Variants in ENPP1 observed in about 807,000 individuals in gnomAD.
ENPP1 encodes the protein ectonucleotide pyrophosphatase/phosphodiesterase family member 1.
Under a neutral mutation model 122.8 loss-of-function variants are expected in ENPP1, and 73 were observed. The ratio of observed to expected loss-of-function variants is 0.59; its 90% CI spans 0.49 to 0.72. ENPP1 has a LOEUF of 0.72. Among genes scored for constraint, ENPP1 ranks in the 30% least tolerant of loss-of-function variants. The pLI, the probability that ENPP1 is intolerant of heterozygous loss-of-function variation, is 0.00. For missense variants in ENPP1, 978 were observed against 1,128.1 expected, an observed-to-expected ratio of 0.87 and a Z score of 1.91; for synonymous variants, 367 against 391.6, an observed-to-expected ratio of 0.94 and a Z score of 0.74.
chr6:131,844,812 C>T (rs902371392), intron 1 of ENPP1, among the ~76,000 whole-genome samples: 1 of 152,064 alleles, frequency 6.6e-6, no homozygotes, highest in Non-Finnish European at 1.5e-5. Context: ...AGTGACACTG[C>T]CACAAAACTT....
chr6:131,882,571 C>G, intron 21 of ENPP1, 97 bp downstream of exon 21: 2 of 337,456 alleles, frequency 5.9e-6, no homozygotes, highest in Non-Finnish European at 1.0e-5. Context: ...ATATATATTA[C>G]CTATTATATA....
Position 131,808,034 on chromosome 6 carries a change from C to T in ENPP1, c.-2C>T, listed in dbSNP as rs909954816. ...AGCGGGGCCGGAGCGGCCGGGGCCA[C>T]GATGGAGCGCGACGGCTGCGCGGGG... is the stretch of plus-strand genomic sequence containing the variant. On this transcript the variant is annotated 5_prime_UTR_variant, in exon 1 of 25. The change creates a new upstream start codon in the 5' untranslated region. Transcript: ENST00000647893. The T allele has an allele frequency of 4.7e-5, 43 of 919,604 alleles. No homozygotes were observed. Among genetic ancestry groups the T allele is most frequent in the Non-Finnish European group, 5.3e-5 (42 of 799,766 alleles). 57.0% of individuals were successfully genotyped at this position (919,604 alleles called of 1,614,324 possible). A position where few individuals can be genotyped will look rare whatever the true frequency, so the allele number is the denominator to read the frequency against.
chr6:131,856,405 G>A (rs985356812), intron 6 of ENPP1, among the ~76,000 whole-genome samples: 7 of 150,552 alleles, frequency 4.6e-5, no homozygotes, highest in African/African-American at 1.7e-4. Flanking sequence ...TGTCAGATGA[G>A]TAGGTTGCGA....
chr6:131,849,611 C>T (rs1260148525), intron 2 of ENPP1, among the ~76,000 whole-genome samples: 11 of 152,150 alleles, frequency 7.2e-5, no homozygotes, highest in Admixed American at 3.9e-4. Flanking sequence ...TTTAGGGAAC[C>T]CCATGCCTGC....
chr6:131,840,600 G>A (rs1781728172), intron 1 of ENPP1, among the ~76,000 whole-genome samples: 1 of 152,172 alleles, frequency 6.6e-6, no homozygotes, highest in Non-Finnish European at 1.5e-5. Context: ...AACTTTGTGA[G>A]GTGGGTATTA....
intron 1 of ENPP1, among the ~76,000 whole-genome samples, chr6:131,821,492 C>A (rs1367494137): frequency 6.6e-6 from 1 of 152,202 alleles, no homozygotes; most frequent in Non-Finnish European, 1.5e-5. Flanking sequence ...TACAAGTAGC[C>A]CCATTGCTCT....
chr6:131,818,669 G>C (rs1300338190), intron 1 of ENPP1, among the ~76,000 whole-genome samples: 1 of 151,704 alleles, frequency 6.6e-6, no homozygotes, highest in Non-Finnish European at 1.5e-5. Context: ...AAATGTCCTT[G>C]ATGAAGCAGA....
chr6:131,871,848 C>T (rs963505884), intron 13 of ENPP1, among the ~76,000 whole-genome samples: 2 of 152,052 alleles, frequency 1.3e-5, no homozygotes, highest in Admixed American at 1.3e-4. Context: ...CTTGTCTTTC[C>T]CTTTAACAAT....
chr6:131,862,487 A>G (rs1006624780), intron 9 of ENPP1, among the ~76,000 whole-genome samples: 1 of 152,178 alleles, frequency 6.6e-6, no homozygotes, highest in Non-Finnish European at 1.5e-5. Flanking sequence ...GAGTTTTATT[A>G]TTACTCAAAT....
At chr6:131,824,401 G>T (rs1379946009) in intron 1 of ENPP1, among the ~76,000 whole-genome samples, 1 of 152,096 alleles carries the variant, frequency 6.6e-6, no homozygotes, top group Non-Finnish European at 1.5e-5. Context: ...GTGTAATGGG[G>T]ATGAGGTGGG....
chr6:131,839,167 T>G (rs1781711246), intron 1 of ENPP1, among the ~76,000 whole-genome samples: 2 of 152,220 alleles, frequency 1.3e-5, no homozygotes, highest in Non-Finnish European at 2.9e-5. Context: ...GGTATGAGCC[T>G]TCTTCTATGA....
intron 1 of ENPP1, among the ~76,000 whole-genome samples, chr6:131,842,903 G>T (rs1479606200): frequency 6.6e-6 from 1 of 151,968 alleles, no homozygotes; most frequent in African/African-American, 2.4e-5. Context: ...TTTTTTTTTA[G>T]TATTTCTTTT....
chr6:131,875,933 A>G (rs1782226153), intron 17 of ENPP1, 70 bp downstream of exon 17: 2 of 1,248,828 alleles, frequency 1.6e-6, no homozygotes, highest in Middle Eastern at 1.8e-4. Context: ...AAAGCAGGTC[A>G]CATTGTAGGC....
chr6:131,878,432 C>T lies in ENPP1; in HGVS notation c.1894-110C>T, dbSNP rs573699240. The stretch of plus-strand genomic sequence containing the variant: ...AAAAAATCCACTAATACAAGACTAT[C>T]ATAAATGATCTTTGTTCTATGTTGG... On this transcript the variant is annotated intron_variant, in intron 18 of 24. Coordinates refer to ENST00000647893, the MANE Select transcript of ENPP1 (RefSeq NM_006208.3). 2.4e-3 allele frequency: 1,845 copies of T among 754,498 alleles called. 5 individuals are homozygous for T. Among genetic ancestry groups the T allele is most frequent in the Non-Finnish European group, 3.6e-3 (1,553 of 425,618 alleles). The allele number at this position is 754,498 out of a possible 1,614,324, so 46.7% of individuals were successfully genotyped here.
At chr6:131,809,926 G>A (rs1399543188) in intron 1 of ENPP1, among the ~76,000 whole-genome samples, 3 of 152,212 alleles carry the variant, frequency 2.0e-5, no homozygotes, top group African/African-American at 7.2e-5. Context: ...ACATGGAAGT[G>A]TCCTAGGACT....
At chr6:131,820,021 G>A in intron 1 of ENPP1, 3 of 555,104 alleles carry the variant, frequency 5.4e-6, no homozygotes, top group Non-Finnish European at 6.9e-6. Context: ...TAAGAAATCT[G>A]TTATCAAAGA....
At chr6:131,869,296 C>G (rs1782128344) in intron 12 of ENPP1, 62 bp from the exon 13 acceptor site, 13 of 1,535,918 alleles carry the variant, frequency 8.5e-6, no homozygotes, top group Non-Finnish European at 1.2e-5. Flanking sequence ...AGAAGTTCTG[C>G]TCTGCATATT....
At chr6:131,814,177 AGGCT>A (rs1781389460) in intron 1 of ENPP1, among the ~76,000 whole-genome samples, 1 of 152,188 alleles carries the variant, frequency 6.6e-6, no homozygotes, top group Non-Finnish European at 1.5e-5. Context: ...CGGAGCATAG[AGGCT>A]AATGCCTGAA....
intron 1 of ENPP1, among the ~76,000 whole-genome samples, chr6:131,842,524 T>C (rs1781754816): frequency 6.6e-6 from 1 of 152,172 alleles, no homozygotes. Flanking sequence ...TCTAAATACA[T>C]TGCATCTTGC....
Sources: allele counts gnomAD v4.1 joint callset (sites outside exome capture counted in the v4.1 genomes callset), GRCh38; gene constraint gnomAD v4.1.1; transcripts MANE v1.5; gene names NCBI Gene and HGNC (gene_info 2026-07-23, HGNC 2026-07-21).